Variants in UHRF1 observed in about 807,000 individuals in gnomAD.
UHRF1 encodes E3 ubiquitin-protein ligase UHRF1.
A neutral mutation model predicts 96.5 loss-of-function variants in UHRF1; 9 were observed. The ratio of observed to expected loss-of-function variants is 0.09; its 90% CI spans 0.06 to 0.16. The LOEUF is 0.16. UHRF1 is among the 10% of genes least tolerant of loss of function. The pLI, the probability that UHRF1 is intolerant of heterozygous loss-of-function variation, is 1.00. For synonymous variants in UHRF1, 455 were observed against 469.9 expected (o/e 0.97, Z 0.41); for missense variants, 626 against 1,131.1 (o/e 0.55, Z 6.40).
chr19:4,941,477 A>T, intron 5 of UHRF1, 51 bp from the exon 6 acceptor site: 1 of 1,487,742 alleles, frequency 6.7e-7, no homozygotes, highest in Middle Eastern at 1.7e-4. Context: ...CTGTGAGTAG[A>T]TTTAGGGGCC....
In UHRF1 at chr19:4,958,979, A is replaced by T. The variant is rs895053723; in HGVS notation, c.2236-1678A>T. ...TCTGTCTCAAAAAAAAAAAAAAAAA[A>T]TTGAAAAAAACATTCAGAGACAGCA... On this transcript the variant is annotated intron_variant, in intron 16 of 16. Coordinates refer to ENST00000650932, the MANE Select transcript of UHRF1 (RefSeq NM_001048201.3). Among the ~76,000 whole-genome samples the T allele has an allele frequency of 1.2e-4, 18 of 150,540 alleles. No homozygotes were observed. The East Asian group carries it at 3.6e-3, about 30-fold the overall frequency.
exon 1 of UHRF1, chr19:4,903,403 C>G (rs1295028763): frequency 6.5e-6 from 1 of 153,580 alleles, no homozygotes; most frequent in East Asian, 1.9e-4. Flanking sequence ...ACATCTGCCT[C>G]CCGGGTTCAA....
intron 16 of UHRF1, among the ~76,000 whole-genome samples, chr19:4,958,000 C>A (rs551652097): frequency 8.5e-5 from 13 of 152,248 alleles, no homozygotes; most frequent in Non-Finnish European, 1.5e-5. Flanking sequence ...ACTGCAGTCC[C>A]GCAGTCCTCT....
intron 5 of UHRF1, among the ~76,000 whole-genome samples, chr19:4,933,601 C>T (rs529330334): frequency 6.6e-6 from 1 of 152,162 alleles, no homozygotes; most frequent in Non-Finnish European, 1.5e-5. Context: ...CCCAAGACCA[C>T]ACATGAAGGT....
chr19:4,947,259 A>C, intron 11 of UHRF1, 48 bp downstream of exon 11: 1 of 1,546,328 alleles, frequency 6.5e-7, no homozygotes, highest in Non-Finnish European at 8.9e-7. Flanking sequence ...ATATCTGCCG[A>C]GTCTTGGTTC....
At chr19:4,933,503 C>T (rs1430005255) in intron 5 of UHRF1, among the ~76,000 whole-genome samples, 1 of 152,190 alleles carries the variant, frequency 6.6e-6, no homozygotes, top group African/African-American at 2.4e-5. Context: ...CAGTGAGCCA[C>T]CGTGCCTGGC....
chr19:4,903,190 C>A (rs1599224877), exon 1 of UHRF1: 1 of 243,822 alleles, frequency 4.1e-6, no homozygotes, highest in East Asian at 8.8e-5. Flanking sequence ...GCATGCCCAG[C>A]TAATTTTTTG....
intron 2 of UHRF1, among the ~76,000 whole-genome samples, chr19:4,921,328 A>G (rs1489734746): frequency 6.6e-6 from 1 of 151,814 alleles, no homozygotes; most frequent in Non-Finnish European, 1.5e-5. Context: ...CATCGCAGCT[A>G]CTCGGGAGGC....
At chr19:4,937,774 A>G (rs2033262672) in intron 5 of UHRF1, among the ~76,000 whole-genome samples, 1 of 152,170 alleles carries the variant, frequency 6.6e-6, no homozygotes, top group African/African-American at 2.4e-5. Flanking sequence ...GAGCTGGGAA[A>G]TGTTTATTCC....
At chr19:4,936,647 A>G (rs1473910376) in intron 5 of UHRF1, among the ~76,000 whole-genome samples, 1 of 152,100 alleles carries the variant, frequency 6.6e-6, no homozygotes, top group South Asian at 2.1e-4. Context: ...ACATGCAGTT[A>G]TAATGTAGAG....
chr19:4,959,699 A>G (rs943786655), intron 16 of UHRF1, among the ~76,000 whole-genome samples: 1 of 151,866 alleles, frequency 6.6e-6, no homozygotes, highest in Non-Finnish European at 1.5e-5. Flanking sequence ...ATTGACGTGT[A>G]TGTTTATTTT....
Position 4,934,500 on chromosome 19 carries a change from ATC to A in UHRF1, c.785+1548_785+1549del, listed in dbSNP as rs17880406. On this transcript the variant is annotated intron_variant, in intron 5 of 16. Transcript: ENST00000650932. ...CTGACACCTCTGCATCCTACTTTCC[ATC>A]TCTGTGAATCTGACAACTCGGGGGA... is the stretch of plus-strand genomic sequence containing the variant. Among the ~76,000 whole-genome samples, 87 of 152,112 alleles carry A rather than the reference ATC, an allele frequency of 5.7e-4. 2 individuals are homozygous for A. In the East Asian group the frequency reaches 0.014, roughly 25 times the overall value.
In UHRF1 at chr19:4,956,042, C is replaced by G. The variant is rs187901443; in HGVS notation, c.2131-667C>G. ...CTCCACCTTCCAGGTTCAAGTGAGT[C>G]TCCTGTCTCAGCCTCCCAAGTACCT... On this transcript the variant is annotated intron_variant, in intron 15 of 16. Transcript: ENST00000650932. Among the ~76,000 whole-genome samples the G allele has an allele frequency of 1.4e-4, 22 of 152,202 alleles. No individual in the cohort carries two copies. In the East Asian group the frequency reaches 3.3e-3, roughly 23 times the overall value.
chr19:4,944,287 C>T (rs1046460242), intron 8 of UHRF1, 32 bp downstream of exon 8: 2 of 1,613,826 alleles, frequency 1.2e-6, no homozygotes, highest in East Asian at 2.2e-5. Flanking sequence ...TGCCCGTGGC[C>T]CCTCCCCGCC....
chr19:4,931,052 C>G (rs1049873415), intron 4 of UHRF1, among the ~76,000 whole-genome samples, 176 bp downstream of exon 4: 5 of 152,168 alleles, frequency 3.3e-5, no homozygotes, highest in Non-Finnish European at 7.4e-5. Context: ...AGCCTGGGGA[C>G]CCGAAGCCGG....
In UHRF1 at chr19:4,927,781, G is replaced by T. The variant is rs17880653; in HGVS notation, c.154-1441G>T. Among the ~76,000 whole-genome samples, 588 of 152,206 alleles carry T rather than the reference G, an allele frequency of 3.9e-3. 5 individuals carry two copies. Among genetic ancestry groups the T allele is most frequent in the African/African-American group, 0.012 (506 of 41,520 alleles). The stretch of plus-strand genomic sequence containing the variant: ...CGGCCCCACGGTCCAGTGCCCAGAG[G>T]GGGAGACCCAGCCCATCCCAGAGTG... On this transcript the variant is annotated intron_variant, in intron 2 of 16. Coordinates refer to ENST00000650932, the MANE Select transcript of UHRF1 (RefSeq NM_001048201.3).
At chr19:4,938,524 T>C (rs1355221668) in intron 5 of UHRF1, among the ~76,000 whole-genome samples, 2 of 151,884 alleles carry the variant, frequency 1.3e-5, no homozygotes, top group African/African-American at 4.8e-5. Flanking sequence ...AGACAGTTTT[T>C]TTTTGTTTGT....
intron 2 of UHRF1, among the ~76,000 whole-genome samples, chr19:4,922,422 C>G (rs1321872037): frequency 2.6e-5 from 4 of 151,564 alleles, no homozygotes; most frequent in Non-Finnish European, 5.9e-5. Flanking sequence ...CCCACCACCA[C>G]GCCCGGGTAA....
intron 2 of UHRF1, among the ~76,000 whole-genome samples, chr19:4,916,626 G>A (rs560108871): frequency 2.6e-5 from 4 of 152,102 alleles, no homozygotes; most frequent in African/African-American, 9.6e-5. Flanking sequence ...GGATGCCCTC[G>A]CGGCGCCGTC....
Sources: allele counts gnomAD v4.1 joint callset (sites outside exome capture counted in the v4.1 genomes callset), GRCh38; gene constraint gnomAD v4.1.1; transcripts MANE v1.5; gene names NCBI Gene and HGNC (gene_info 2026-07-23, HGNC 2026-07-21).